Variants in ZBTB20 observed in about 807,000 individuals in gnomAD.
ZBTB20 encodes the protein zinc finger and BTB domain-containing protein 20.
A neutral mutation model predicts 56.9 loss-of-function variants in ZBTB20; 9 were observed. The ratio of observed to expected loss-of-function variants is 0.16; its 90% CI spans 0.10 to 0.28. ZBTB20 has a LOEUF of 0.28. ZBTB20 is among the 10% of genes least tolerant of loss of function. The pLI, the probability that ZBTB20 is intolerant of heterozygous loss-of-function variation, is 1.00. For synonymous variants in ZBTB20, 417 were observed against 420.7 expected (o/e 0.99, Z 0.11); for missense variants, 655 against 1,003.0 (o/e 0.65, Z 4.69).
intron 6 of ZBTB20, among the ~76,000 whole-genome samples, chr3:114,674,504 C>T (rs543249923): frequency 9.9e-5 from 15 of 152,212 alleles, no homozygotes; most frequent in South Asian, 2.1e-4. Flanking sequence ...GCATGTGGTA[C>T]CTTGCTCTAT....
chr3:114,766,067 T>G (rs933020480), intron 5 of ZBTB20, among the ~76,000 whole-genome samples: 3 of 152,178 alleles, frequency 2.0e-5, no homozygotes, highest in African/African-American at 7.2e-5. Context: ...AAGAAGAGGT[T>G]GTCTACTTAG....
rs1393456133 is a variant in ZBTB20, at chr3:114,505,053, CTTGATT to C, written c.-294-4668_-294-4663del. 2.0e-5 allele frequency among the ~76,000 whole-genome samples: 3 copies of C among 152,230 alleles called. No individual in the cohort carries two copies. The East Asian group carries it at 5.8e-4, about 29-fold the overall frequency. On this transcript the variant is annotated intron_variant, in intron 6 of 11. Coordinates refer to ENST00000675478, the MANE Select transcript of ZBTB20 (RefSeq NM_001348800.3). ...TCTCTTTGGAAGCAGACAGGTTTGGCTTGATTTGCATTCTAAATATTTCACAGTGGT... is the reference window on the plus strand; with the variant it reads ...TCTCTTTGGAAGCAGACAGGTTTGGCTGCATTCTAAATATTTCACAGTGGT...
At chr3:114,971,364 T>C (rs1265201397) in intron 3 of ZBTB20, among the ~76,000 whole-genome samples, 2 of 152,164 alleles carry the variant, frequency 1.3e-5, no homozygotes, top group Non-Finnish European at 2.9e-5. Context: ...TCTCAGAGAT[T>C]TTGGGGGGTT....
At chr3:114,762,261 A>G (rs2068494267) in intron 5 of ZBTB20, among the ~76,000 whole-genome samples, 1 of 152,162 alleles carries the variant, frequency 6.6e-6, no homozygotes, top group South Asian at 2.1e-4. Context: ...TTTGGTACTC[A>G]CTGGGGAAGC....
intron 7 of ZBTB20, among the ~76,000 whole-genome samples, chr3:114,437,497 G>A (rs1299672261): frequency 6.6e-6 from 1 of 152,128 alleles, no homozygotes; most frequent in Non-Finnish European, 1.5e-5. Context: ...AGAAGGAGGA[G>A]GAAGAGGTAG....
intron 6 of ZBTB20, among the ~76,000 whole-genome samples, chr3:114,633,064 A>T (rs2059048750): frequency 6.6e-6 from 1 of 152,236 alleles, no homozygotes; most frequent in Non-Finnish European, 1.5e-5. Context: ...AGGAAATGTA[A>T]TCACCTATTT....
chr3:114,629,635 A>G (rs1174683026), intron 6 of ZBTB20, among the ~76,000 whole-genome samples: 1 of 152,178 alleles, frequency 6.6e-6, no homozygotes, highest in Non-Finnish European at 1.5e-5. Context: ...GGCACATTGT[A>G]CCAATACTAA....
At chr3:114,868,777 T>C (rs925937568) in intron 4 of ZBTB20, among the ~76,000 whole-genome samples, 1 of 152,184 alleles carries the variant, frequency 6.6e-6, no homozygotes, top group Admixed American at 6.6e-5. Context: ...GTATTTTTTG[T>C]TCATAATAAA....
intron 2 of ZBTB20, among the ~76,000 whole-genome samples, chr3:115,049,442 T>C (rs1576649730): frequency 6.6e-6 from 1 of 152,170 alleles, no homozygotes; most frequent in Non-Finnish European, 1.5e-5. Context: ...TTTTAGAATA[T>C]TTGCATACAC....
intron 6 of ZBTB20, among the ~76,000 whole-genome samples, chr3:114,668,959 T>C (rs2061208816): frequency 6.6e-6 from 1 of 152,014 alleles, no homozygotes; most frequent in Non-Finnish European, 1.5e-5. Flanking sequence ...TACTCCATTA[T>C]AAACAACAAA....
chr3:114,587,046 G>C (rs1201125258), intron 6 of ZBTB20, among the ~76,000 whole-genome samples: 1 of 138,232 alleles, frequency 7.2e-6, no homozygotes, highest in Non-Finnish European at 1.5e-5. Flanking sequence ...ACCCAGGCTG[G>C]AGTGCAATGG....
chr3:115,033,404 G>C (rs1265154813), intron 2 of ZBTB20, among the ~76,000 whole-genome samples: 1 of 151,530 alleles, frequency 6.6e-6, no homozygotes, highest in Non-Finnish European at 1.5e-5. Flanking sequence ...TCCTGGACCT[G>C]ATGACTTCAC....
intron 5 of ZBTB20, among the ~76,000 whole-genome samples, chr3:114,719,831 G>T (rs1398027629): frequency 6.6e-6 from 1 of 151,996 alleles, no homozygotes; most frequent in African/African-American, 2.4e-5. Context: ...GTTTTAGGAA[G>T]GTTAGAAACT....
At chr3:114,456,369 G>T (rs2092020411) in intron 7 of ZBTB20, among the ~76,000 whole-genome samples, 1 of 152,054 alleles carries the variant, frequency 6.6e-6, no homozygotes, top group Non-Finnish European at 1.5e-5. Flanking sequence ...AAGGCTAGTG[G>T]TTTGATCTAC....
chr3:114,400,618 T>C (rs143122517), intron 7 of ZBTB20, among the ~76,000 whole-genome samples: 3 of 152,242 alleles, frequency 2.0e-5, no homozygotes, highest in Non-Finnish European at 2.9e-5. Context: ...CCAACCTTTC[T>C]GAGTAGAAGC....
Position 114,777,507 on chromosome 3 carries a change from T to A in ZBTB20, c.-343+23594A>T, listed in dbSNP as rs2069693597. On this transcript the variant is annotated intron_variant, in intron 5 of 11. Transcript: ENST00000675478. ...ACACATGAAAAAATGCTCATCATCATGGGCCATCAGAGAAATGCAAATCAA... is the reference window on the plus strand; with the variant it reads ...ACACATGAAAAAATGCTCATCATCAAGGGCCATCAGAGAAATGCAAATCAA... 2.0e-5 allele frequency among the ~76,000 whole-genome samples: 3 copies of A among 152,058 alleles called. 1 individual carries two copies. In the South Asian group the frequency reaches 6.2e-4, roughly 32 times the overall value.
chr3:115,131,766 T>C (rs2084512670), intron 1 of ZBTB20, among the ~76,000 whole-genome samples: 1 of 152,208 alleles, frequency 6.6e-6, no homozygotes, highest in African/African-American at 2.4e-5. Context: ...CAAATACTGT[T>C]AAGGTGCAAA....
intron 6 of ZBTB20, among the ~76,000 whole-genome samples, chr3:114,677,482 G>A (rs541319778): frequency 2.6e-5 from 4 of 152,098 alleles, no homozygotes; most frequent in Non-Finnish European, 4.4e-5. Flanking sequence ...AACTGTGTAT[G>A]CGAGGGATTG....
intron 3 of ZBTB20, among the ~76,000 whole-genome samples, chr3:114,921,931 G>A (rs1456800588): frequency 6.6e-6 from 1 of 152,054 alleles, no homozygotes; most frequent in East Asian, 1.9e-4. Flanking sequence ...TATCTTAGAT[G>A]AATATAGATA....
Sources: gnomAD v4.1 joint callset for allele counts (sites outside exome capture counted in the v4.1 genomes callset) on GRCh38, gnomAD v4.1.1 for gene constraint, MANE v1.5 for transcripts, NCBI Gene and HGNC (gene_info 2026-07-23, HGNC 2026-07-21) for gene names.